Variants in CFAP99 observed in about 807,000 individuals in gnomAD.
The protein encoded by CFAP99 is cilia- and flagella-associated protein 99.
Under a neutral mutation model 82.7 loss-of-function variants are expected in CFAP99, and 84 were observed. The observed-to-expected ratio is 1.02, with a 90% CI of 0.85 to 1.22. The LOEUF (loss-of-function observed/expected upper bound fraction) is 1.22. CFAP99 is among the 50% of genes most tolerant of loss of function. The probability of loss-of-function intolerance (pLI) is 0.00; values close to 1 mark genes in which losing one functional copy is unlikely to be tolerated. For missense variants in CFAP99, 1,059 were observed against 983.5 expected (o/e 1.08, Z -1.03); for synonymous variants, 456 against 429.5 (o/e 1.06, Z -0.76).
At chr4:2,447,354 G>GTGGA (rs1209758275) in intron 6 of CFAP99, among the ~76,000 whole-genome samples, 4 of 151,378 alleles carry the variant, frequency 2.6e-5, no homozygotes, top group Middle Eastern at 6.8e-3. Flanking sequence ...GGGTGGATGG[G>GTGGA]TGGATGGATG....
rs1734499212 is a variant in CFAP99, at chr4:2,458,804, GA to G, written c.1244del (p.Glu415GlyfsTer69). Reference sequence around the variant, plus strand: ...GAAGGAGCTGGTGGAGCAGGTGATAGAGGGGCAGAAGAACGCCAAGGCGGCC... The same window carrying G: ...GAAGGAGCTGGTGGAGCAGGTGATAGGGGGCAGAAGAACGCCAAGGCGGCC... On this transcript the variant is annotated frameshift_variant, in exon 12 of 15. Transcript: ENST00000635017. LOFTEE classifies it high-confidence loss of function. 1 of 1,535,980 alleles carries G rather than the reference GA, an allele frequency of 6.5e-7. No homozygotes were observed. Among genetic ancestry groups the G allele is most frequent in the Non-Finnish European group, 8.7e-7 (1 of 1,146,884 alleles).
chr4:2,428,909 A>T (rs1346236120), intron 2 of CFAP99: 1 of 152,244 alleles, frequency 6.6e-6, no homozygotes, highest in Non-Finnish European at 1.5e-5. Flanking sequence ...TCAGTAGATG[A>T]ATGAATCCAT....
intron 2 of CFAP99, among the ~76,000 whole-genome samples, chr4:2,433,162 G>A (rs1387661144): frequency 1.3e-5 from 2 of 152,208 alleles, no homozygotes; most frequent in Non-Finnish European, 2.9e-5. Context: ...GCCCAGAGTG[G>A]CCCTGCCCAA....
intron 9 of CFAP99, 23 bp downstream of exon 9, chr4:2,451,041 C>G (rs1009481253): frequency 6.5e-7 from 1 of 1,531,408 alleles, no homozygotes; most frequent in African/African-American, 1.4e-5. Context: ...CCTGGATGGT[C>G]AGGCTGCTCT....
At chr4:2,453,741 CT>C (rs34564273) in intron 11 of CFAP99, among the ~76,000 whole-genome samples, 14,175 of 132,238 alleles carry the variant, frequency 0.11, 782 homozygotes, top group Non-Finnish European at 0.14. Context: ...ATTTCCCTGA[CT>C]TTTTTTTTTT....
At chr4:2,434,932 G>C (rs555196251) in intron 2 of CFAP99, among the ~76,000 whole-genome samples, 56 of 152,322 alleles carry the variant, frequency 3.7e-4, no homozygotes, top group African/African-American at 1.3e-3. Flanking sequence ...TGGAAACTGA[G>C]GCCCCACAAG....
At chr4:2,451,196 A>G (rs981447734) in intron 9 of CFAP99, 68 bp from the exon 10 acceptor site, 4 of 1,511,814 alleles carry the variant, frequency 2.6e-6, no homozygotes, top group African/African-American at 1.4e-5. Flanking sequence ...GCATGAGGGC[A>G]GGATGGGCAT....
At chr4:2,431,240 G>A (rs1454488127) in intron 2 of CFAP99, among the ~76,000 whole-genome samples, 5 of 151,884 alleles carry the variant, frequency 3.3e-5, no homozygotes, top group Non-Finnish European at 7.4e-5. Flanking sequence ...ATGGTGGCGG[G>A]TGCCTGTGGT....
chr4:2,462,983 A>T (rs1031138122), downstream of CFAP99: 1 of 1,004,580 alleles, frequency 1.0e-6, no homozygotes, highest in African/African-American at 1.7e-5. The surrounding 1 kb of genome is among the most constrained non-coding windows in gnomAD (Gnocchi z 4.1). Flanking sequence ...CGCCGCCCCA[A>T]TAAAGAGTGC....
chr4:2,445,254 G>A, exon 6 of CFAP99: 2 of 1,420,038 alleles, frequency 1.4e-6, no homozygotes, highest in Non-Finnish European at 1.8e-6. Flanking sequence ...CTGCCCCCAG[G>A]CCCCGCACCA....
chr4:2,458,630 T>A, intron 11 of CFAP99, 93 bp from the exon 12 acceptor site: 1 of 1,443,648 alleles, frequency 6.9e-7, no homozygotes, highest in Non-Finnish European at 9.1e-7. Flanking sequence ...TGGGTCCACC[T>A]TCAGACCTCA....
At chr4:2,434,529 C>T (rs543930626) in intron 2 of CFAP99, among the ~76,000 whole-genome samples, 5 of 152,332 alleles carry the variant, frequency 3.3e-5, no homozygotes, top group African/African-American at 1.2e-4. Context: ...AAATTTAACA[C>T]GGGGAACCTT....
At chr4:2,421,725 GA>G (rs146309418) in intron 1 of CFAP99, among the ~76,000 whole-genome samples, 6,723 of 151,998 alleles carry the variant, frequency 0.044, 515 homozygotes, top group African/African-American at 0.15. Flanking sequence ...ATCAATATGA[GA>G]AAAAAATCTT....
chr4:2,452,244 G>A, exon 11 of CFAP99: 1 of 1,536,142 alleles, frequency 6.5e-7, no homozygotes. Flanking sequence ...CTGCAAGCGA[G>A]TGCCGGCGGT....
chr4:2,452,750 T>C (rs1166277760), intron 11 of CFAP99, among the ~76,000 whole-genome samples: 2 of 152,164 alleles, frequency 1.3e-5, no homozygotes, highest in East Asian at 3.8e-4. Context: ...TTTTCTTTCC[T>C]TTTTACTTTT....
At chr4:2,426,386 C>T (rs1733683044) in intron 1 of CFAP99, 73 bp from the exon 2 acceptor site, 2 of 922,896 alleles carry the variant, frequency 2.2e-6, no homozygotes, top group East Asian at 2.6e-5. Context: ...TGGCAGACTC[C>T]TGTCGCTGCT....
chr4:2,460,047 AC>A lies in CFAP99; in HGVS notation c.1467del (p.Tyr489Ter). 1.3e-6 allele frequency: 2 copies of A among 1,535,872 alleles called. No individual in the cohort carries two copies. The highest frequency in any genetic ancestry group is 1.7e-6 in the Non-Finnish European group (2 of 1,146,882). ...CCTACCACCCCACAGATCCCCGGCTACGGCCTGGAAGGAGAGATGTCCATAG... is the reference window on the plus strand; with the variant it reads ...CCTACCACCCCACAGATCCCCGGCTAGGCCTGGAAGGAGAGATGTCCATAG... On this transcript the variant is annotated frameshift_variant, in exon 14 of 15. Transcript: ENST00000635017. LOFTEE classifies it high-confidence loss of function.
intron 11 of CFAP99, among the ~76,000 whole-genome samples, chr4:2,454,688 C>T (rs1390622900): frequency 7.2e-6 from 1 of 138,908 alleles, no homozygotes; most frequent in Non-Finnish European, 1.5e-5. Flanking sequence ...GTGGGTTGAT[C>T]TCAGCTCAGT....
chr4:2,449,070 G>C (rs139109324), intron 6 of CFAP99, among the ~76,000 whole-genome samples: 219 of 152,258 alleles, frequency 1.4e-3, no homozygotes, highest in African/African-American at 4.9e-3. Context: ...TAGATGTGCA[G>C]GGGAGAAGGC....
Sources: allele counts gnomAD v4.1 joint callset (sites outside exome capture counted in the v4.1 genomes callset), GRCh38; gene constraint gnomAD v4.1.1; non-coding constraint Gnocchi (gnomAD v3.1); transcripts MANE v1.5; gene names NCBI Gene and HGNC (gene_info 2026-07-23, HGNC 2026-07-21).